Variants in SPAG16 observed in about 807,000 individuals in gnomAD.
The protein encoded by SPAG16 is sperm associated antigen 16.
SPAG16 carries 86 observed loss-of-function variants against 80.4 expected under a neutral mutation model. That is an observed-to-expected ratio of 1.07 (90% CI 0.90 to 1.28). The LOEUF (loss-of-function observed/expected upper bound fraction) is 1.28. SPAG16 is among the 50% of genes most tolerant of loss of function. The probability of loss-of-function intolerance (pLI) is 0.00; values close to 1 mark genes in which losing one functional copy is unlikely to be tolerated. For missense variants in SPAG16, 870 were observed against 765.3 expected, an observed-to-expected ratio of 1.14 and a Z score of -1.61; for synonymous variants, 294 against 265.9, an observed-to-expected ratio of 1.11 and a Z score of -1.03.
chr2:214,305,004 G>T (rs899775746), intron 15 of SPAG16, among the ~76,000 whole-genome samples: 3 of 152,140 alleles, frequency 2.0e-5, no homozygotes, highest in Non-Finnish European at 4.4e-5. Context: ...CCATGAGTAA[G>T]TGTTCCTTTC....
chr2:214,185,557 A>T (rs563029135), intron 15 of SPAG16, among the ~76,000 whole-genome samples: 1 of 152,172 alleles, frequency 6.6e-6, no homozygotes, highest in African/African-American at 2.4e-5. Flanking sequence ...GAGAAATTAC[A>T]AAGAGGTATT....
chr2:213,813,828 C>T (rs1207147067), intron 10 of SPAG16, among the ~76,000 whole-genome samples: 1 of 152,248 alleles, frequency 6.6e-6, no homozygotes, highest in East Asian at 1.9e-4. Flanking sequence ...TGGCAAGAAG[C>T]ACCCACAACA....
intron 15 of SPAG16, among the ~76,000 whole-genome samples, chr2:214,304,488 C>T (rs1005388869): frequency 2.0e-5 from 3 of 152,200 alleles, no homozygotes; most frequent in African/African-American, 7.2e-5. Context: ...CCCATCTCTT[C>T]GTTTCCCATA....
chr2:213,373,804 A>G (rs888560542), intron 8 of SPAG16, among the ~76,000 whole-genome samples: 5 of 152,322 alleles, frequency 3.3e-5, no homozygotes, highest in African/African-American at 1.2e-4. Context: ...AATTGTACCT[A>G]TGAGTTGTTT....
chr2:214,161,249 G>T lies in SPAG16; in HGVS notation c.1720+11983G>T, dbSNP rs371577345. ...TCATGTTTTTGCTATTGTGAATAGTGCTGCAATGCATATATGTATATATGT... is the reference window on the plus strand; with the variant it reads ...TCATGTTTTTGCTATTGTGAATAGTTCTGCAATGCATATATGTATATATGT... On this transcript the variant is annotated intron_variant, in intron 15 of 15. Transcript: ENST00000331683. Among the ~76,000 whole-genome samples, 9 of 152,224 alleles carry T rather than the reference G, an allele frequency of 5.9e-5. No homozygotes were observed. The East Asian group carries it at 1.7e-3, about 29-fold the overall frequency.
intron 10 of SPAG16, among the ~76,000 whole-genome samples, chr2:213,651,421 A>G (rs1340602052): frequency 6.6e-6 from 1 of 152,196 alleles, no homozygotes; most frequent in Non-Finnish European, 1.5e-5. Context: ...GGTTCCCTAC[A>G]GGAGAAACCG....
intron 15 of SPAG16, among the ~76,000 whole-genome samples, chr2:214,203,810 T>C (rs2058073925): frequency 6.6e-6 from 1 of 152,178 alleles, no homozygotes; most frequent in Non-Finnish European, 1.5e-5. Flanking sequence ...CAAAGTTTCC[T>C]GGACGGAACC....
intron 10 of SPAG16, among the ~76,000 whole-genome samples, chr2:213,586,780 C>T (rs987744291): frequency 2.6e-5 from 4 of 152,120 alleles, no homozygotes; most frequent in Non-Finnish European, 4.4e-5. Context: ...GGGGTAGACA[C>T]GTAACATTAG....
At chr2:213,702,360 T>A (rs1190180068) in intron 10 of SPAG16, among the ~76,000 whole-genome samples, 6 of 152,206 alleles carry the variant, frequency 3.9e-5, no homozygotes, top group Non-Finnish European at 8.8e-5. Context: ...TCTTTCACTT[T>A]TTGCAATAAA....
chr2:213,400,256 C>T (rs2125333348), intron 9 of SPAG16, among the ~76,000 whole-genome samples: 1 of 152,178 alleles, frequency 6.6e-6, no homozygotes. Context: ...TAATGGTTGG[C>T]TTTTCTACTA....
At chr2:213,374,713 C>G (rs1034500537) in intron 8 of SPAG16, among the ~76,000 whole-genome samples, 1 of 152,140 alleles carries the variant, frequency 6.6e-6, no homozygotes, top group Admixed American at 6.6e-5. Context: ...CCATCTTTAA[C>G]TCTGTTTATA....
intron 9 of SPAG16, among the ~76,000 whole-genome samples, chr2:213,426,606 T>TA (rs2069930389): frequency 1.3e-5 from 2 of 152,000 alleles, no homozygotes; most frequent in Admixed American, 6.6e-5. Flanking sequence ...AACTAGTTTT[T>TA]ATAATGATGA....
intron 7 of SPAG16, among the ~76,000 whole-genome samples, chr2:213,354,267 T>G (rs1408834475): frequency 1.3e-5 from 2 of 152,244 alleles, no homozygotes; most frequent in Non-Finnish European, 2.9e-5. Flanking sequence ...GTGCCACACT[T>G]TCTTAATCCA....
At chr2:213,725,170 C>T (rs1294333127) in intron 10 of SPAG16, among the ~76,000 whole-genome samples, 1 of 152,016 alleles carries the variant, frequency 6.6e-6, no homozygotes, top group Non-Finnish European at 1.5e-5. Flanking sequence ...GCAGCTGGGA[C>T]CTCAGGTGTG....
intron 10 of SPAG16, among the ~76,000 whole-genome samples, chr2:213,659,036 A>G (rs2063325807): frequency 6.6e-6 from 1 of 152,060 alleles, no homozygotes; most frequent in Non-Finnish European, 1.5e-5. Flanking sequence ...CTCTGTCTCA[A>G]AAAAAAACAA....
chr2:213,794,132 C>T (rs1030614877), intron 10 of SPAG16, among the ~76,000 whole-genome samples: 12 of 152,104 alleles, frequency 7.9e-5, no homozygotes, highest in Non-Finnish European at 1.5e-4. Context: ...AAAGTTCAAG[C>T]TTTGTCCTTA....
At chr2:213,702,257 TGTGG>T (rs2065469893) in intron 10 of SPAG16, among the ~76,000 whole-genome samples, 2 of 152,304 alleles carry the variant, frequency 1.3e-5, no homozygotes, top group South Asian at 4.1e-4. Flanking sequence ...ATCAGCAGGA[TGTGG>T]GTGGGGCCAG....
intron 10 of SPAG16, among the ~76,000 whole-genome samples, chr2:213,765,483 T>C (rs1292235517): frequency 6.6e-6 from 1 of 152,258 alleles, no homozygotes; most frequent in Non-Finnish European, 1.5e-5. Flanking sequence ...AATTATGGAA[T>C]GCCTTCTATG....
At chr2:213,644,096 T>G (rs1007835200) in intron 10 of SPAG16, among the ~76,000 whole-genome samples, 1 of 151,268 alleles carries the variant, frequency 6.6e-6, no homozygotes, top group Non-Finnish European at 1.5e-5. Context: ...TCACGAATTC[T>G]TTCTTCTGCT....
Sources: gnomAD v4.1 joint callset for allele counts (sites outside exome capture counted in the v4.1 genomes callset) on GRCh38, gnomAD v4.1.1 for gene constraint, MANE v1.5 for transcripts, NCBI Gene and HGNC (gene_info 2026-07-23, HGNC 2026-07-21) for gene names.